The following CUX2 variants were observed in gnomAD, a reference collection of about 807,000 sequenced individuals.
CUX2 encodes cut like homeobox 2.
CUX2 carries 40 observed loss-of-function variants against 144.8 expected under a neutral mutation model. The observed-to-expected ratio is 0.28, with a 90% CI of 0.21 to 0.36. CUX2 has a LOEUF of 0.36. Ranked by LOEUF, CUX2 falls within the 10% of genes least tolerant of loss-of-function variation. The pLI is 1.00. For synonymous variants in CUX2, 827 were observed against 875.6 expected (o/e 0.94, Z 0.98); for missense variants, 1,615 against 1,994.0 (o/e 0.81, Z 3.62).
intron 1 of CUX2, among the ~76,000 whole-genome samples, chr12:111,079,086 G>A (rs1871710088): frequency 6.6e-6 from 1 of 152,208 alleles, no homozygotes; most frequent in South Asian, 2.1e-4. Flanking sequence ...GCAAACTTGG[G>A]CTCTAAGATC....
intron 1 of CUX2, among the ~76,000 whole-genome samples, chr12:111,036,982 C>T (rs1352064408): frequency 3.3e-5 from 5 of 151,332 alleles, no homozygotes; most frequent in African/African-American, 1.2e-4. Context: ...GCCTGGGATC[C>T]TCTCTTGTAC....
rs59384344 is a variant in CUX2 at position 111,315,800 on chromosome 12, G to A, written c.2002+3599G>A. 2.6e-3 allele frequency among the ~76,000 whole-genome samples: 395 copies of A among 152,138 alleles called. 1 individual carries two copies. The highest frequency in any genetic ancestry group is 9.0e-3 in the African/African-American group (372 of 41,502). On this transcript the variant is annotated intron_variant, in intron 16 of 21. Coordinates refer to ENST00000261726, the MANE Select transcript of CUX2 (RefSeq NM_015267.4). ...CTTGAGAGGCTGAGGCAGGAAGATC[G>A]CTTAAACCCAGGAGTTTGAGACTAG...
intron 15 of CUX2, among the ~76,000 whole-genome samples, chr12:111,311,600 A>ATTTTTTT (rs1490811302): frequency 7.2e-6 from 1 of 138,438 alleles, no homozygotes; most frequent in African/African-American, 2.9e-5. Flanking sequence ...CTTTATTATT[A>ATTTTTTT]TTATTTTTTT....
At chr12:111,168,577 C>T (rs970875470) in intron 1 of CUX2, among the ~76,000 whole-genome samples, 2 of 152,218 alleles carry the variant, frequency 1.3e-5, no homozygotes, top group Non-Finnish European at 2.9e-5. Context: ...CGTTCCCTAG[C>T]TCTGCCTGAC....
At chr12:111,250,190 A>G (rs902515449) in intron 3 of CUX2, among the ~76,000 whole-genome samples, 1 of 152,196 alleles carries the variant, frequency 6.6e-6, no homozygotes, top group African/African-American at 2.4e-5. Context: ...CAGAAGGGAC[A>G]TTTTAGGGGT....
chr12:111,297,468 GC>G (rs1344095541), intron 8 of CUX2, among the ~76,000 whole-genome samples: 3 of 152,292 alleles, frequency 2.0e-5, no homozygotes, highest in Admixed American at 2.0e-4. Context: ...ACACACCACA[GC>G]CATAAATAAT....
intron 1 of CUX2, among the ~76,000 whole-genome samples, chr12:111,142,941 T>C (rs746133758): frequency 3.3e-5 from 5 of 152,174 alleles, no homozygotes; most frequent in Non-Finnish European, 5.9e-5. Flanking sequence ...CTGAGATCCA[T>C]GTGTATTAGA....
At position 111,034,959 on chromosome 12, in the gene CUX2, C is replaced by T. The variant is rs1406151462; in HGVS notation, c.63+719C>T. 6.6e-6 allele frequency among the ~76,000 whole-genome samples: 1 copy of T among 151,984 alleles called. No homozygotes were observed. Among genetic ancestry groups the T allele is most frequent in the Non-Finnish European group, 1.5e-5 (1 of 67,976 alleles). On this transcript the variant is annotated intron_variant, in intron 1 of 21. Transcript: ENST00000261726. The surrounding 1 kb of genome is among the most constrained non-coding windows in gnomAD (Gnocchi z 4.2). ...CGGGGTCTTGGGGTTCGTCTTGCTT[C>T]TTGCCTTTACCCCCCCGCCCCTTCC...
At chr12:111,165,471 T>C (rs1450977443) in intron 1 of CUX2, among the ~76,000 whole-genome samples, 1 of 152,236 alleles carries the variant, frequency 6.6e-6, no homozygotes, top group Admixed American at 6.5e-5. Context: ...GTCAGTGTTA[T>C]TGTCTCATGG....
At chr12:111,095,067 C>T (rs1872739749) in intron 1 of CUX2, among the ~76,000 whole-genome samples, 1 of 152,158 alleles carries the variant, frequency 6.6e-6, no homozygotes, top group Non-Finnish European at 1.5e-5. Flanking sequence ...GGGACTTCAC[C>T]TCAGTCTGCC....
intron 1 of CUX2, among the ~76,000 whole-genome samples, chr12:111,182,550 G>A (rs1366754416): frequency 3.9e-5 from 6 of 152,194 alleles, no homozygotes; most frequent in South Asian, 2.1e-4. Flanking sequence ...AATTCATTAC[G>A]CAGTTGGATG....
At position 111,066,462 on chromosome 12, in the gene CUX2, C is replaced by A. The variant is rs560081878; in HGVS notation, c.63+32222C>A. 2.6e-5 allele frequency among the ~76,000 whole-genome samples: 4 copies of A among 152,308 alleles called. No homozygotes were observed. In the South Asian group the frequency reaches 6.2e-4, roughly 24 times the overall value. On this transcript the variant is annotated intron_variant, in intron 1 of 21. Transcript: ENST00000261726. Reference sequence around the variant, plus strand: ...CTGGTGACCTGACACTTTTCACTTACCCTGGGGTCTGAGCCCACTTTGTCA... The same window carrying A: ...CTGGTGACCTGACACTTTTCACTTAACCTGGGGTCTGAGCCCACTTTGTCA...
Position 111,310,466 on chromosome 12 carries a change from G to T in CUX2, c.1684G>T (p.Val562Leu). The T allele has an allele frequency of 6.2e-7, 1 of 1,613,702 alleles. No individual in the cohort carries two copies. The highest frequency in any genetic ancestry group is 8.5e-7 in the Non-Finnish European group (1 of 1,179,994). The change falls in exon 15 of 22, where the codon GTG (valine) becomes TTG (leucine). Residue 562 changes from valine (V) to leucine (L), a missense_variant. Val to Leu is a conservative substitution (Grantham distance 32, BLOSUM62 1). Transcript: ENST00000261726. The surrounding 1 kb of genome is among the most constrained non-coding windows in gnomAD (Gnocchi z 7.9). Reference sequence around the variant, plus strand: ...GGACACGGCAGAGATCGCCTTCCAGGTGAAGGAGCAGCTGCTGAAACACAA... The same window carrying T: ...GGACACGGCAGAGATCGCCTTCCAGTTGAAGGAGCAGCTGCTGAAACACAA... ...QLDTAEIAFQ[V>L]KEQLLKHNIG...
chr12:111,069,048 G>A (rs1363974608), intron 1 of CUX2, among the ~76,000 whole-genome samples: 1 of 152,116 alleles, frequency 6.6e-6, no homozygotes, highest in African/African-American at 2.4e-5. Context: ...TAAGGTTGCA[G>A]TGTCCGTAGA....
intron 1 of CUX2, among the ~76,000 whole-genome samples, chr12:111,083,143 T>C (rs1222070709): frequency 1.3e-5 from 2 of 152,138 alleles, no homozygotes; most frequent in South Asian, 4.1e-4. Flanking sequence ...TACTGCTGAC[T>C]GTCCATTGGG....
At chr12:111,089,701 G>A (rs1024146053) in intron 1 of CUX2, among the ~76,000 whole-genome samples, 1 of 152,206 alleles carries the variant, frequency 6.6e-6, no homozygotes, top group Non-Finnish European at 1.5e-5. Flanking sequence ...GGAAGTAGAG[G>A]GAAAGGCATT....
chr12:111,152,849 A>T (rs781182518), intron 1 of CUX2, among the ~76,000 whole-genome samples: 1 of 152,172 alleles, frequency 6.6e-6, no homozygotes, highest in African/African-American at 2.4e-5. Flanking sequence ...GCCGCTCTAG[A>T]TGGGGCCTGT....
intron 1 of CUX2, among the ~76,000 whole-genome samples, chr12:111,161,074 C>T (rs983331680): frequency 3.3e-5 from 5 of 152,062 alleles, no homozygotes; most frequent in African/African-American, 1.2e-4. Context: ...CTGGGCTTGA[C>T]CACAGACGGG....
At chr12:111,109,777 C>T (rs1319104252) in intron 1 of CUX2, among the ~76,000 whole-genome samples, 1 of 152,150 alleles carries the variant, frequency 6.6e-6, no homozygotes, top group Non-Finnish European at 1.5e-5. Context: ...CTTTCCTAAC[C>T]CAGTTGCAGG....
Sources: allele counts gnomAD v4.1 joint callset (sites outside exome capture counted in the v4.1 genomes callset), GRCh38; gene constraint gnomAD v4.1.1; non-coding constraint Gnocchi (gnomAD v3.1); transcripts MANE v1.5; gene names NCBI Gene and HGNC (gene_info 2026-07-23, HGNC 2026-07-21).